SMIM35: variants seen among roughly 807,000 people sequenced by gnomAD.
SMIM35 encodes TMPRSS4 antisense RNA 1 (non-protein coding).
intron 1 of SMIM35, among the ~76,000 whole-genome samples, chr11:118,073,673 G>A (rs913385038): frequency 3.3e-5 from 5 of 152,174 alleles, no homozygotes; most frequent in African/African-American, 7.2e-5. Context: ...AGGAGCAGCC[G>A]GGTGCCTGCC....
intron 1 of SMIM35, among the ~76,000 whole-genome samples, chr11:118,033,399 A>T (rs534554658): frequency 1.6e-4 from 25 of 152,360 alleles, no homozygotes; most frequent in Admixed American, 1.2e-3. Flanking sequence ...TTTGACAAGC[A>T]TCAGACTTAG....
chr11:118,025,854 TA>T (rs1565383463), intron 1 of SMIM35: 1 of 438,088 alleles, frequency 2.3e-6, no homozygotes, highest in South Asian at 1.7e-5. Context: ...AACTTAGTCA[TA>T]AATTCTTTGC....
intron 1 of SMIM35, among the ~76,000 whole-genome samples, chr11:118,072,039 ATATTT>A (rs748789146): frequency 6.6e-6 from 1 of 152,160 alleles, no homozygotes; most frequent in Non-Finnish European, 1.5e-5. Context: ...AAGGCAGGAG[ATATTT>A]TATTTTTCCC....
Position 118,040,759 on chromosome 11 carries a change from A to G in SMIM35, c.8-24950T>C, listed in dbSNP as rs116491960. On this transcript the variant is annotated intron_variant, in intron 1 of 4. Coordinates refer to ENST00000689828, the MANE Select transcript of SMIM35 (RefSeq NM_001394165.1). ...ACAAAATTATATATATGTAAAATAC[A>G]TAATGTAAGGTTAGGCCTATAACAT... Among the ~76,000 whole-genome samples, 1,162 of 152,304 alleles carry G rather than the reference A, an allele frequency of 7.6e-3. 13 individuals carry two copies. The highest frequency in any genetic ancestry group is 0.027 in the African/African-American group (1,115 of 41,562).
At chr11:118,010,087 G>C (rs996911098) in intron 4 of SMIM35, among the ~76,000 whole-genome samples, 7 of 152,218 alleles carry the variant, frequency 4.6e-5, no homozygotes, top group Non-Finnish European at 1.0e-4. Flanking sequence ...TCTCAAGCTT[G>C]ACATAAGGCT....
At position 118,057,513 on chromosome 11, in the gene SMIM35, C is replaced by T. The variant is rs541096544; in HGVS notation, c.7+29238G>A. On this transcript the variant is annotated intron_variant, in intron 1 of 4. Transcript: ENST00000689828. The stretch of plus-strand genomic sequence containing the variant: ...GCTGGGGGTGGGAGACTCCGCTGGG[C>T]GCTGGAGGCAGTGCCGTTGCTGTGG... 4.6e-5 allele frequency among the ~76,000 whole-genome samples: 7 copies of T among 152,222 alleles called. No homozygotes were observed. The East Asian group carries it at 7.7e-4, about 17-fold the overall frequency.
intron 1 of SMIM35, among the ~76,000 whole-genome samples, chr11:118,069,458 A>T (rs755528334): frequency 6.6e-6 from 1 of 152,032 alleles, no homozygotes; most frequent in Non-Finnish European, 1.5e-5. Context: ...TATGTTTTAA[A>T]CCAAAGTCAC....
At chr11:118,043,108 C>T (rs960609780) in intron 1 of SMIM35, among the ~76,000 whole-genome samples, 1 of 152,172 alleles carries the variant, frequency 6.6e-6, no homozygotes, top group Non-Finnish European at 1.5e-5. Flanking sequence ...TCTGGTCTCA[C>T]CACTTCTGTT....
intron 1 of SMIM35, among the ~76,000 whole-genome samples, chr11:118,019,993 G>C (rs1387208600): frequency 6.6e-6 from 1 of 152,160 alleles, no homozygotes; most frequent in Non-Finnish European, 1.5e-5. Context: ...GCTGGGCATG[G>C]TGTCTCACGC....
intron 1 of SMIM35, among the ~76,000 whole-genome samples, chr11:118,071,024 A>T (rs1944563238): frequency 1.3e-5 from 2 of 152,228 alleles, no homozygotes; most frequent in Non-Finnish European, 2.9e-5. Context: ...GGTGGCTGCA[A>T]AGACAAAATG....
chr11:118,024,432 G>A (rs1432755557), intron 1 of SMIM35, among the ~76,000 whole-genome samples: 1 of 152,130 alleles, frequency 6.6e-6, no homozygotes, highest in Non-Finnish European at 1.5e-5. Context: ...CATGTTCACT[G>A]TATTGCTTAT....
intron 1 of SMIM35, among the ~76,000 whole-genome samples, chr11:118,024,848 G>C (rs991838532): frequency 6.6e-6 from 1 of 151,994 alleles, no homozygotes; most frequent in African/African-American, 2.4e-5. Flanking sequence ...CTGAGGTTTG[G>C]GATACAAATG....
Position 118,035,454 on chromosome 11 carries a change from T to C in SMIM35, c.8-19645A>G, listed in dbSNP as rs150825807. The stretch of plus-strand genomic sequence containing the variant: ...AGCGCTGCCTTCATGGAGCTCATGT[T>C]CTATGAGGAGGTATGTTCAACAGAT... On this transcript the variant is annotated intron_variant, in intron 1 of 4. Coordinates refer to ENST00000689828, the MANE Select transcript of SMIM35 (RefSeq NM_001394165.1). Among the ~76,000 whole-genome samples, 10 of 152,320 alleles carry C rather than the reference T, an allele frequency of 6.6e-5. No individual in the cohort carries two copies. In the East Asian group the frequency reaches 1.7e-3, roughly 26 times the overall value.
intron 4 of SMIM35, 147 bp downstream of exon 4, chr11:118,013,601 T>C: frequency 2.6e-6 from 1 of 385,802 alleles, no homozygotes; most frequent in Non-Finnish European, 4.6e-6. Context: ...GACCCAAGCC[T>C]GAGATCGGCA....
chr11:118,043,198 T>C (rs76581523), intron 1 of SMIM35, among the ~76,000 whole-genome samples: 1,770 of 151,980 alleles, frequency 0.012, 17 homozygotes, highest in Non-Finnish European at 0.021. Context: ...AAGGAAGAAA[T>C]GAAAATATCT....
At chr11:118,074,444 T>C (rs963809436) in intron 1 of SMIM35, among the ~76,000 whole-genome samples, 14 of 152,016 alleles carry the variant, frequency 9.2e-5, no homozygotes, top group Non-Finnish European at 1.9e-4. Context: ...TGAGGCTTCC[T>C]CCGGGAGAAT....
intron 1 of SMIM35, among the ~76,000 whole-genome samples, chr11:118,072,234 A>G (rs2135143438): frequency 6.6e-6 from 1 of 152,290 alleles, no homozygotes; most frequent in South Asian, 2.1e-4. Flanking sequence ...TCACACCTGT[A>G]ATCCCAGCAC....
At chr11:118,007,094 C>T (rs368154291) in intron 4 of SMIM35, among the ~76,000 whole-genome samples, 1 of 152,178 alleles carries the variant, frequency 6.6e-6, no homozygotes, top group East Asian at 1.9e-4. Flanking sequence ...TCTCCACCCA[C>T]CTCCTTCTCC....
chr11:118,050,905 C>T (rs1339163055), intron 1 of SMIM35, among the ~76,000 whole-genome samples: 3 of 152,198 alleles, frequency 2.0e-5, no homozygotes, highest in African/African-American at 7.2e-5. Flanking sequence ...CTCCAGTGAC[C>T]TCCCCCAATC....
Sources: gnomAD v4.1 joint callset for allele counts (sites outside exome capture counted in the v4.1 genomes callset) on GRCh38, gnomAD v4.1.1 for gene constraint, MANE v1.5 for transcripts, NCBI Gene and HGNC (gene_info 2026-07-23, HGNC 2026-07-21) for gene names.